The following STK32A variants were observed in gnomAD, a reference collection of about 807,000 sequenced individuals.
STK32A encodes the protein serine/threonine kinase 32A.
In STK32A, 41 loss-of-function variants were observed where a neutral mutation model predicts 53.2. The observed-to-expected ratio is 0.77, with a 90% CI of 0.60 to 1.00. STK32A has a LOEUF of 1.00. STK32A is among the 50% of genes least tolerant of loss of function. STK32A has a pLI of 0.00. For synonymous variants in STK32A, 166 were observed against 162.8 expected, an observed-to-expected ratio of 1.02 and a Z score of -0.15; for missense variants, 458 against 485.8, an observed-to-expected ratio of 0.94 and a Z score of 0.54.
At chr5:147,304,623 AT>A (rs1301715020) in intron 4 of STK32A, among the ~76,000 whole-genome samples, 1 of 152,216 alleles carries the variant, frequency 6.6e-6, no homozygotes, top group Non-Finnish European at 1.5e-5. Flanking sequence ...TTGCTCTCTA[AT>A]AGTTCTGGTA....
intron 2 of STK32A, among the ~76,000 whole-genome samples, chr5:147,265,875 C>A (rs1197200415): frequency 2.6e-5 from 4 of 152,146 alleles, no homozygotes; most frequent in African/African-American, 4.8e-5. Flanking sequence ...TCATCTCATT[C>A]ATGGAGAATT....
intron 8 of STK32A, among the ~76,000 whole-genome samples, chr5:147,363,353 G>T (rs1014640366): frequency 6.6e-6 from 1 of 151,650 alleles, no homozygotes; most frequent in African/African-American, 2.4e-5. Context: ...CACTCTCATG[G>T]CTGGGGATGG....
intron 4 of STK32A, among the ~76,000 whole-genome samples, chr5:147,303,564 G>A (rs1753245701): frequency 6.6e-6 from 1 of 152,148 alleles, no homozygotes; most frequent in Non-Finnish European, 1.5e-5. Flanking sequence ...CACTTCTGAT[G>A]AGTGGCACGG....
chr5:147,266,668 T>C (rs892529444), intron 2 of STK32A, among the ~76,000 whole-genome samples: 1 of 152,172 alleles, frequency 6.6e-6, no homozygotes, highest in Non-Finnish European at 1.5e-5. Flanking sequence ...ATGGAGTCTA[T>C]ATTCTTGGCA....
At chr5:147,389,689 T>G (rs1484530672), downstream of STK32A, among the ~76,000 whole-genome samples, 3 of 152,020 alleles carry the variant, frequency 2.0e-5, no homozygotes, top group Admixed American at 6.6e-5. Flanking sequence ...GCCAACATGG[T>G]GAAACCCTGT....
the STK32A span, among the ~76,000 whole-genome samples, chr5:147,394,613 G>A: frequency 6.9e-6 from 1 of 145,782 alleles, no homozygotes. Context: ...ATTTCAATGT[G>A]TGCTTGGGTC....
chr5:147,394,928 T>C, the STK32A span, among the ~76,000 whole-genome samples: 1 of 152,224 alleles, frequency 6.6e-6, no homozygotes, highest in Non-Finnish European at 1.5e-5. Context: ...TTATTCATTA[T>C]AGGAATGCGA....
At chr5:147,353,771 A>AAACAAC (rs889215458) in intron 7 of STK32A, among the ~76,000 whole-genome samples, 1 of 152,064 alleles carries the variant, frequency 6.6e-6, no homozygotes, top group Non-Finnish European at 1.5e-5. Flanking sequence ...AAGAAAAAAC[A>AAACAAC]AACAACAACA....
intron 4 of STK32A, among the ~76,000 whole-genome samples, chr5:147,291,775 A>G (rs1040802482): frequency 6.6e-6 from 1 of 152,200 alleles, no homozygotes; most frequent in Admixed American, 6.5e-5. Context: ...TTTCTTCTGA[A>G]CCATAATTTC....
chr5:147,395,609 C>A, the STK32A span: 3 of 1,613,814 alleles, frequency 1.9e-6, no homozygotes, highest in Non-Finnish European at 2.5e-6. Context: ...TGGGTTCGGC[C>A]GAGTAGGAGA....
In STK32A at chr5:147,370,685, G is replaced by A. The variant is rs776056104; in HGVS notation, c.692G>A (p.Ser231Asn). 3.1e-6 allele frequency: 5 copies of A among 1,612,028 alleles called. No individual in the cohort carries two copies. Among genetic ancestry groups the A allele is most frequent in the African/African-American group, 1.3e-5 (1 of 74,918 alleles). ...TATCATATTCGCTCCAGTACTTCCA[G>A]CAAGGAAATTGTACACACGTTTGAG... ...RPYHIRSSTSSKEIVHTFETT... is the reference protein window; with the variant it reads ...RPYHIRSSTSNKEIVHTFETT... Residue 231 changes from serine to asparagine, a missense_variant, in exon 9 of 13, where the codon AGC (serine) becomes AAC (asparagine). Transcript: ENST00000397936.
intron 5 of STK32A, among the ~76,000 whole-genome samples, chr5:147,337,228 A>T (rs886473719): frequency 7.2e-5 from 11 of 152,128 alleles, no homozygotes; most frequent in Non-Finnish European, 1.3e-4. Flanking sequence ...TTTTTTATTT[A>T]ATCAAACCAA....
intron 4 of STK32A, among the ~76,000 whole-genome samples, chr5:147,293,528 T>G (rs1752712761): frequency 1.5e-5 from 2 of 129,914 alleles, no homozygotes; most frequent in South Asian, 6.9e-4. Context: ...ATTTGAAATA[T>G]GATTTTGGAA....
At chr5:147,279,700 T>A (rs1751959741) in intron 4 of STK32A, among the ~76,000 whole-genome samples, 1 of 152,198 alleles carries the variant, frequency 6.6e-6, no homozygotes, top group African/African-American at 2.4e-5. Context: ...TTCATGATGA[T>A]TCCTGAAAAA....
chr5:147,361,404 TA>T (rs1756497141), intron 7 of STK32A, 112 bp from the exon 8 acceptor site: 1 of 755,946 alleles, frequency 1.3e-6, no homozygotes, highest in African/African-American at 1.7e-5. Context: ...TAAACATCCA[TA>T]AAAGTGTTTA....
chr5:147,376,181 A>G (rs1430972593), intron 11 of STK32A, among the ~76,000 whole-genome samples: 2 of 152,174 alleles, frequency 1.3e-5, no homozygotes, highest in Non-Finnish European at 2.9e-5. Context: ...GTCAGGGGCC[A>G]CTATATATTT....
intron 2 of STK32A, chr5:147,239,905 CAA>C: frequency 3.8e-6 from 2 of 524,058 alleles, no homozygotes; most frequent in African/African-American, 2.0e-5. Flanking sequence ...TCCACTATAC[CAA>C]TGTCCTTTGT....
At chr5:147,250,673 G>T (rs1230381998) in intron 2 of STK32A, among the ~76,000 whole-genome samples, 5 of 152,076 alleles carry the variant, frequency 3.3e-5, no homozygotes, top group African/African-American at 1.2e-4. Flanking sequence ...CCAGTGCGGT[G>T]GCTCACGCCT....
chr5:147,326,842 A>G (rs1354232243), intron 5 of STK32A, among the ~76,000 whole-genome samples: 2 of 152,066 alleles, frequency 1.3e-5, no homozygotes, highest in East Asian at 1.9e-4. Context: ...GCAATTCAGG[A>G]CCTATGTCAA....
Sources: gnomAD v4.1 joint callset for allele counts (sites outside exome capture counted in the v4.1 genomes callset) on GRCh38, gnomAD v4.1.1 for gene constraint, MANE v1.5 for transcripts, NCBI Gene and HGNC (gene_info 2026-07-23, HGNC 2026-07-21) for gene names.